The following MAPRE2 variants were observed in gnomAD, a reference collection of about 807,000 sequenced individuals.
The protein encoded by MAPRE2 is microtubule associated protein RP/EB family member 2.
In MAPRE2, 13 loss-of-function variants were observed where a neutral mutation model predicts 43.2. That is an observed-to-expected ratio of 0.30 (90% confidence interval 0.20 to 0.48). The LOEUF is 0.48. MAPRE2 is among the 20% of genes least tolerant of loss of function. The pLI is 0.99. For missense variants in MAPRE2, 161 were observed against 400.2 expected (o/e 0.40, Z 5.10); for synonymous variants, 135 against 148.8 (o/e 0.91, Z 0.68).
At chr18:35,110,630 C>T (rs1001148670) in intron 4 of MAPRE2, among the ~76,000 whole-genome samples, 3 of 152,104 alleles carry the variant, frequency 2.0e-5, no homozygotes, top group African/African-American at 7.2e-5. Flanking sequence ...CCTGCAGGTC[C>T]AGTGGCAAAA....
At chr18:35,025,622 A>T (rs987856339) in intron 2 of MAPRE2, among the ~76,000 whole-genome samples, 1 of 152,218 alleles carries the variant, frequency 6.6e-6, no homozygotes, top group African/African-American at 2.4e-5. Context: ...GATACTGTTA[A>T]CATTTACATC....
intron 4 of MAPRE2, among the ~76,000 whole-genome samples, chr18:35,107,364 A>G (rs765555233): frequency 6.3e-4 from 96 of 152,180 alleles, no homozygotes; most frequent in Admixed American, 5.2e-4. Flanking sequence ...AATTACCCTT[A>G]ATGTTGGGTT....
intron 4 of MAPRE2, among the ~76,000 whole-genome samples, chr18:35,126,672 T>C (rs1264676202): frequency 6.6e-6 from 1 of 152,172 alleles, no homozygotes; most frequent in African/African-American, 2.4e-5. Context: ...CTTACTCTTA[T>C]ATCTCCAGAG....
intron 1 of MAPRE2, among the ~76,000 whole-genome samples, chr18:34,995,322 T>A (rs531558): frequency 0.41 from 61,652 of 151,938 alleles, 13,006 homozygotes; most frequent in African/African-American, 0.52. Context: ...TTGGCAGGAC[T>A]TCCAAGCATC....
chr18:34,996,375 G>T (rs1202256518), intron 1 of MAPRE2, among the ~76,000 whole-genome samples: 2 of 152,100 alleles, frequency 1.3e-5, no homozygotes, highest in South Asian at 2.1e-4. Flanking sequence ...TCCCTCATGT[G>T]CACGGTTCAC....
chr18:35,082,289 C>CAAAAAAAAAAAAA (rs777649319), intron 2 of MAPRE2: 6 of 28,824 alleles, frequency 2.1e-4, no homozygotes, highest in African/African-American at 2.0e-3. Flanking sequence ...GACTCCGTCT[C>CAAAAAAAAAAAAA]AAAAAAAAAA....
At chr18:35,005,493 G>T in exon 2 of MAPRE2, 1 of 1,532,262 alleles carries the variant, frequency 6.5e-7, no homozygotes, top group Non-Finnish European at 8.8e-7. Flanking sequence ...CTATCCCAGT[G>T]TCCTGTTTCC....
chr18:35,142,001 A>G lies in MAPRE2; in HGVS notation c.*1632A>G, dbSNP rs1361356107. Reference sequence around the variant, plus strand: ...GAGTTATGTGGAAAAGATGGCTTGTATTTTTCAGATTATTACAACACACTG... The same window carrying G: ...GAGTTATGTGGAAAAGATGGCTTGTGTTTTTCAGATTATTACAACACACTG... On this transcript the variant is annotated 3_prime_UTR_variant, in exon 7 of 7. Transcript: ENST00000300249. The G allele has an allele frequency of 6.6e-6, 1 of 152,188 alleles. No homozygotes were observed. 9.4% of individuals were successfully genotyped at this position (152,188 alleles called of 1,614,324 possible). A position where few individuals can be genotyped will look rare whatever the true frequency, so the allele number is the denominator to read the frequency against.
At chr18:35,087,376 C>T (rs1344550230) in intron 2 of MAPRE2, among the ~76,000 whole-genome samples, 1 of 152,158 alleles carries the variant, frequency 6.6e-6, no homozygotes, top group Non-Finnish European at 1.5e-5. Flanking sequence ...TTAGTAGGCA[C>T]AGCATCCTAC....
chr18:35,115,650 C>T (rs1276778906), intron 4 of MAPRE2, among the ~76,000 whole-genome samples: 1 of 152,138 alleles, frequency 6.6e-6, no homozygotes, highest in Non-Finnish European at 1.5e-5. Context: ...AGTTATTTCA[C>T]TTAGAATAAT....
intron 1 of MAPRE2, among the ~76,000 whole-genome samples, chr18:35,003,563 G>A (rs28461698): frequency 0.013 from 1,124 of 89,708 alleles, 10 homozygotes; most frequent in African/African-American, 0.033. Flanking sequence ...GGAAAACCTA[G>A]CAATGGACCG....
chr18:35,109,850 G>C (rs372732534), intron 4 of MAPRE2, among the ~76,000 whole-genome samples: 24 of 152,180 alleles, frequency 1.6e-4, no homozygotes, highest in African/African-American at 5.5e-4. Context: ...TGGATTTAGA[G>C]CTACCGCATT....
At chr18:35,119,888 A>C (rs1909595569) in intron 4 of MAPRE2, among the ~76,000 whole-genome samples, 1 of 152,220 alleles carries the variant, frequency 6.6e-6, no homozygotes, top group Non-Finnish European at 1.5e-5. Context: ...AAACAAGTGC[A>C]CTTTTGCATC....
intron 2 of MAPRE2, among the ~76,000 whole-genome samples, chr18:35,088,810 A>T (rs1908001286): frequency 6.6e-6 from 1 of 152,238 alleles, no homozygotes; most frequent in Non-Finnish European, 1.5e-5. Flanking sequence ...GTTGAGTAGG[A>T]TGCAGAAAGA....
chr18:35,093,156 G>A (rs1260841449), intron 2 of MAPRE2, among the ~76,000 whole-genome samples: 1 of 138,878 alleles, frequency 7.2e-6, no homozygotes, highest in African/African-American at 2.6e-5. Flanking sequence ...ACGTTGCAGT[G>A]AGCCGAGATC....
chr18:35,058,227 T>C (rs1031885070), intron 1 of MAPRE2, among the ~76,000 whole-genome samples: 1 of 152,186 alleles, frequency 6.6e-6, no homozygotes. Context: ...CACTGGAATA[T>C]TTTTTGCCAC....
intron 2 of MAPRE2, among the ~76,000 whole-genome samples, chr18:35,008,197 A>T (rs894646151): frequency 1.3e-5 from 2 of 152,134 alleles, no homozygotes; most frequent in Admixed American, 6.5e-5. Context: ...GACTCAGGTG[A>T]CACCTGAGTC....
chr18:34,979,168 C>T (rs1320089658), intron 1 of MAPRE2, among the ~76,000 whole-genome samples: 1 of 152,176 alleles, frequency 6.6e-6, no homozygotes, highest in Non-Finnish European at 1.5e-5. Context: ...CCTACCACAA[C>T]ATTTTTCCCT....
chr18:35,052,436 G>A (rs1285059600), intron 1 of MAPRE2, among the ~76,000 whole-genome samples: 2 of 152,114 alleles, frequency 1.3e-5, no homozygotes, highest in Non-Finnish European at 2.9e-5. Flanking sequence ...TTCATTGTAT[G>A]GCTATACCAT....
Sources: gnomAD v4.1 joint callset for allele counts (sites outside exome capture counted in the v4.1 genomes callset) on GRCh38, gnomAD v4.1.1 for gene constraint, MANE v1.5 for transcripts, NCBI Gene and HGNC (gene_info 2026-07-23, HGNC 2026-07-21) for gene names.